The following SLC25A37 variants were observed in gnomAD, a reference collection of about 807,000 sequenced individuals.
The protein encoded by SLC25A37 is solute carrier family 25 member 37, also known as mitoferrin-1.
SLC25A37 carries 17 observed loss-of-function variants against 31.0 expected under a neutral mutation model. The ratio of observed to expected loss-of-function variants is 0.55; its 90% CI spans 0.38 to 0.82. The LOEUF is 0.82. Among genes scored for constraint, SLC25A37 ranks in the 40% least tolerant of loss-of-function variants. The pLI, the probability that SLC25A37 is intolerant of heterozygous loss-of-function variation, is 0.00. For synonymous variants in SLC25A37, 222 were observed against 193.0 expected, an observed-to-expected ratio of 1.15 and a Z score of -1.24; for missense variants, 404 against 465.8, an observed-to-expected ratio of 0.87 and a Z score of 1.22.
intron 1 of SLC25A37, among the ~76,000 whole-genome samples, chr8:23,535,167 GC>G (rs1389791762): frequency 1.3e-5 from 2 of 152,134 alleles, no homozygotes; most frequent in Non-Finnish European, 2.9e-5. Flanking sequence ...TCCAACCCTG[GC>G]TTGCCCCACC....
rs1801613598 is a variant in SLC25A37 at position 23,529,303 on chromosome 8, C to T, written c.210+91C>T. 14 of 1,299,492 alleles carry T rather than the reference C, an allele frequency of 1.1e-5. No homozygotes were observed. In the South Asian group the frequency reaches 1.9e-4, roughly 17 times the overall value. The allele number at this position is 1,299,492 out of a possible 1,614,324, so 80.5% of individuals were successfully genotyped here. A position where few individuals can be genotyped will look rare whatever the true frequency, so the allele number is the denominator to read the frequency against. On this transcript the variant is annotated intron_variant, in intron 1 of 3. Transcript: ENST00000519973. The surrounding 1 kb of genome is among the most constrained non-coding windows in gnomAD (Gnocchi z 4.1). Reference sequence around the variant, plus strand: ...CCGCGCGCCGGCAGCCTCGGGGCAGCGTCCCGAAACCGAGCTCTCCCCAGG... The same window carrying T: ...CCGCGCGCCGGCAGCCTCGGGGCAGTGTCCCGAAACCGAGCTCTCCCCAGG...
At chr8:23,530,547 A>G (rs528156041) in intron 1 of SLC25A37, among the ~76,000 whole-genome samples, 4 of 152,194 alleles carry the variant, frequency 2.6e-5, no homozygotes, top group Non-Finnish European at 5.9e-5. Context: ...GCCATCACCC[A>G]TATGTCCCTC....
In SLC25A37 at chr8:23,568,845, A is replaced by T. The variant is rs942443157; in HGVS notation, c.496+467A>T. ...GTAATCCCAGCTACTGGGGTGGCCG[A>T]GGTGGGAGAATCGCTTGAACCCAGC... is the stretch of plus-strand genomic sequence containing the variant. On this transcript the variant is annotated intron_variant, in intron 3 of 3. Transcript: ENST00000519973. 3 of 174,954 alleles carry T rather than the reference A, an allele frequency of 1.7e-5. No individual in the cohort carries two copies. The East Asian group carries it at 4.6e-4, about 27-fold the overall frequency. The allele number at this position is 174,954 out of a possible 1,614,324, so 10.8% of individuals were successfully genotyped here.
chr8:23,561,077 T>A (rs1210396475), intron 1 of SLC25A37, among the ~76,000 whole-genome samples: 1 of 152,202 alleles, frequency 6.6e-6, no homozygotes, highest in African/African-American at 2.4e-5. Context: ...TTACATAAGA[T>A]AAAGTAAGCT....
chr8:23,563,313 A>G (rs1162621256), intron 1 of SLC25A37, among the ~76,000 whole-genome samples: 4 of 152,140 alleles, frequency 2.6e-5, no homozygotes, highest in African/African-American at 7.2e-5. Flanking sequence ...CAGCCTCCCA[A>G]ATAGCCAAGG....
intron 1 of SLC25A37, among the ~76,000 whole-genome samples, chr8:23,565,314 C>T (rs1199072051): frequency 6.6e-6 from 1 of 152,082 alleles, no homozygotes; most frequent in African/African-American, 2.4e-5. Flanking sequence ...ACCATCACAC[C>T]TGTGCAAGCG....
intron 3 of SLC25A37, among the ~76,000 whole-genome samples, chr8:23,570,698 G>C (rs1007585693): frequency 6.6e-6 from 1 of 152,166 alleles, no homozygotes; most frequent in Admixed American, 6.5e-5. Context: ...CACATTGTAT[G>C]TATTTATTTG....
intron 1 of SLC25A37, among the ~76,000 whole-genome samples, chr8:23,538,403 A>C (rs1287121784): frequency 0.034 from 4,885 of 142,652 alleles, 553 homozygotes; most frequent in African/African-American, 0.12. Context: ...AAAAAAAAAA[A>C]AAACCAGAAA....
At chr8:23,536,534 C>A (rs1038424253) in intron 1 of SLC25A37, among the ~76,000 whole-genome samples, 10 of 152,124 alleles carry the variant, frequency 6.6e-5, no homozygotes, top group Non-Finnish European at 1.0e-4. Context: ...TGTGCCCTTC[C>A]ACCTCATTTT....
At chr8:23,569,135 A>G (rs2872718) in intron 3 of SLC25A37, among the ~76,000 whole-genome samples, 144,725 of 152,044 alleles carry the variant, frequency 0.95, 68,993 homozygotes, top group African/African-American at 0.97. Flanking sequence ...GTGGTGGTGC[A>G]TGCCTGTAGT....
At chr8:23,555,222 A>G (rs564342255) in intron 1 of SLC25A37, among the ~76,000 whole-genome samples, 1 of 152,260 alleles carries the variant, frequency 6.6e-6, no homozygotes, top group Admixed American at 6.5e-5. Context: ...CTCCATGCCA[A>G]ATTTGTCTTT....
rs929795498 is a variant in SLC25A37 at position 23,557,788 on chromosome 8, C to G, written c.211-8320C>G. On this transcript the variant is annotated intron_variant, in intron 1 of 3. Transcript: ENST00000519973. ...TTTATTTAGTGAATGTCAGTGCTAG[C>G]TGGGGACAGTTGACAGACAAGAGAA... 2.8e-4 allele frequency among the ~76,000 whole-genome samples: 42 copies of G among 152,230 alleles called. 2 individuals carry two copies. The highest frequency in any genetic ancestry group is 1.6e-4 in the Non-Finnish European group (11 of 68,040).
chr8:23,546,535 A>AGG (rs1250920323), intron 1 of SLC25A37, among the ~76,000 whole-genome samples: 75 of 16,290 alleles, frequency 4.6e-3, no homozygotes, highest in South Asian at 0.012. Flanking sequence ...ATAGGTGTAT[A>AGG]TATATATATA....
intron 1 of SLC25A37, among the ~76,000 whole-genome samples, chr8:23,538,983 C>T (rs1801834295): frequency 6.6e-6 from 1 of 152,160 alleles, no homozygotes; most frequent in Non-Finnish European, 1.5e-5. Context: ...CCACCATCCT[C>T]ACCCTCCCTC....
chr8:23,566,920 C>A, intron 2 of SLC25A37: 2 of 735,898 alleles, frequency 2.7e-6, no homozygotes, highest in Non-Finnish European at 3.3e-6. Flanking sequence ...TTCTGTTTGT[C>A]TGAGTCTCAT....
intron 1 of SLC25A37, among the ~76,000 whole-genome samples, chr8:23,547,084 AAATC>A (rs1802089353): frequency 6.6e-6 from 1 of 152,206 alleles, no homozygotes; most frequent in East Asian, 1.9e-4. Flanking sequence ...TTTTTCTGAT[AAATC>A]AATCATAAGG....
intron 1 of SLC25A37, among the ~76,000 whole-genome samples, chr8:23,564,462 T>TG (rs1418246010): frequency 3.2e-4 from 5 of 15,774 alleles, no homozygotes; most frequent in African/African-American, 9.8e-4. Context: ...GGATGTGTGT[T>TG]GGGGGGGAGT....
intron 1 of SLC25A37, among the ~76,000 whole-genome samples, chr8:23,565,779 C>G (rs536786839): frequency 1.3e-5 from 2 of 152,308 alleles, no homozygotes; most frequent in South Asian, 4.1e-4. Flanking sequence ...CTTGCAACAA[C>G]CCTGTTGTTT....
At chr8:23,549,988 C>A (rs1243627856) in intron 1 of SLC25A37, among the ~76,000 whole-genome samples, 1 of 137,358 alleles carries the variant, frequency 7.3e-6, no homozygotes, top group Non-Finnish European at 1.5e-5. Flanking sequence ...TTGAGACCAG[C>A]CTGACCAACA....
Sources: gnomAD v4.1 joint callset for allele counts (sites outside exome capture counted in the v4.1 genomes callset) on GRCh38, gnomAD v4.1.1 for gene constraint, Gnocchi (gnomAD v3.1) non-coding constraint, MANE v1.5 for transcripts, NCBI Gene and HGNC (gene_info 2026-07-23, HGNC 2026-07-21) for gene names.